The following NRG1 variants were observed in gnomAD, a reference collection of about 807,000 sequenced individuals.
NRG1 encodes the protein neuregulin 1, also known as pro-neuregulin-1, membrane-bound isoform.
A neutral mutation model predicts 63.8 loss-of-function variants in NRG1; 18 were observed. The observed-to-expected ratio is 0.28, with a 90% CI of 0.19 to 0.42. The LOEUF (loss-of-function observed/expected upper bound fraction) is 0.42. Among genes scored for constraint, NRG1 ranks in the 10% least tolerant of loss-of-function variants. The probability of loss-of-function intolerance (pLI) is 1.00; values close to 1 mark genes in which losing one functional copy is unlikely to be tolerated. For missense variants in NRG1, 762 were observed against 814.7 expected (o/e 0.94, Z 0.79); for synonymous variants, 302 against 301.3 (o/e 1.00, Z -0.02).
At chr8:31,761,386 G>A (rs1031496221) in intron 1 of NRG1, among the ~76,000 whole-genome samples, 7 of 151,810 alleles carry the variant, frequency 4.6e-5, no homozygotes, top group Non-Finnish European at 8.8e-5. Context: ...ACACCAACAT[G>A]GCACATGTAT....
intron 1 of NRG1, among the ~76,000 whole-genome samples, chr8:31,945,325 A>G (rs1802374781): frequency 6.6e-6 from 1 of 152,070 alleles, no homozygotes; most frequent in African/African-American, 2.4e-5. Flanking sequence ...GAGTTTATCG[A>G]CTGTCACTAG....
At chr8:32,213,801 A>G (rs1844931892) in intron 1 of NRG1, among the ~76,000 whole-genome samples, 1 of 152,130 alleles carries the variant, frequency 6.6e-6, no homozygotes, top group Non-Finnish European at 1.5e-5. Context: ...CAGCTTAACA[A>G]GAGAGAAGCA....
At chr8:31,796,058 A>C (rs118079400) in intron 1 of NRG1, among the ~76,000 whole-genome samples, 3 of 152,226 alleles carry the variant, frequency 2.0e-5, no homozygotes, top group African/African-American at 7.2e-5. Flanking sequence ...ACCAACAAGT[A>C]ATCTTTGCAA....
chr8:32,078,234 T>A (rs1826909526), intron 1 of NRG1, among the ~76,000 whole-genome samples: 1 of 152,170 alleles, frequency 6.6e-6, no homozygotes, highest in South Asian at 2.1e-4. Flanking sequence ...CTTACTCTGT[T>A]AGTTCATGCA....
chr8:32,150,696 A>G (rs1262639859), intron 1 of NRG1, among the ~76,000 whole-genome samples: 1 of 151,964 alleles, frequency 6.6e-6, no homozygotes, highest in Non-Finnish European at 1.5e-5. Context: ...ACAGACTAAG[A>G]CCCCTGGCCC....
chr8:32,574,308 TC>T (rs1440988256), intron 1 of NRG1, among the ~76,000 whole-genome samples: 1 of 152,132 alleles, frequency 6.6e-6, no homozygotes, highest in East Asian at 1.9e-4. Flanking sequence ...AGGCCTCATT[TC>T]CCTCTCTCAT....
At chr8:32,643,749 T>A (rs1852900397) in intron 5 of NRG1, among the ~76,000 whole-genome samples, 4 of 152,212 alleles carry the variant, frequency 2.6e-5, no homozygotes, top group Admixed American at 2.6e-4. Flanking sequence ...ATAGACAGTA[T>A]TTAAATGGCC....
At chr8:32,185,544 G>C (rs1841887416) in intron 1 of NRG1, among the ~76,000 whole-genome samples, 1 of 152,168 alleles carries the variant, frequency 6.6e-6, no homozygotes, top group Non-Finnish European at 1.5e-5. Flanking sequence ...CATTGCAAAA[G>C]AAGGAATAAT....
intron 2 of NRG1, among the ~76,000 whole-genome samples, chr8:32,602,216 T>A (rs1038891063): frequency 6.6e-6 from 1 of 152,178 alleles, no homozygotes; most frequent in Non-Finnish European, 1.5e-5. Flanking sequence ...ATTTAACTTT[T>A]TTTAATGCAA....
chr8:32,662,675 A>C (rs1803159617), intron 5 of NRG1, among the ~76,000 whole-genome samples: 1 of 152,186 alleles, frequency 6.6e-6, no homozygotes, highest in African/African-American at 2.4e-5. Flanking sequence ...TTGGATTATT[A>C]GATTCTGAAT....
chr8:32,738,318 A>G (rs1825589809), intron 6 of NRG1, among the ~76,000 whole-genome samples: 1 of 152,120 alleles, frequency 6.6e-6, no homozygotes, highest in Admixed American at 6.6e-5. Flanking sequence ...CACCCCATTA[A>G]TAACAAATAT....
chr8:31,819,782 TA>T (rs1823826644), intron 1 of NRG1, among the ~76,000 whole-genome samples: 1 of 152,204 alleles, frequency 6.6e-6, no homozygotes, highest in Admixed American at 6.5e-5. Flanking sequence ...AAGCCTCACA[TA>T]AGCTAACATT....
In NRG1 at chr8:31,773,248, G is replaced by C. The variant is rs539650379; in HGVS notation, c.37+133817G>C. Reference sequence around the variant, plus strand: ...ATGGCTCAGTGCTCACTGTCATCCTGCTGCTACATCATGTGCTTGATGCAC... The same window carrying C: ...ATGGCTCAGTGCTCACTGTCATCCTCCTGCTACATCATGTGCTTGATGCAC... On this transcript the variant is annotated intron_variant, in intron 1 of 10. Transcript: ENST00000519301. 1.4e-4 allele frequency among the ~76,000 whole-genome samples: 22 copies of C among 152,270 alleles called. No homozygotes were observed. In the South Asian group the frequency reaches 4.6e-3, roughly 32 times the overall value.
chr8:32,485,964 A>G (rs1413081514), intron 1 of NRG1, among the ~76,000 whole-genome samples: 3 of 151,730 alleles, frequency 2.0e-5, no homozygotes, highest in African/African-American at 7.3e-5. Flanking sequence ...TTTCACTCTT[A>G]TTGCCCAGGT....
chr8:32,627,351 GAATC>G (rs1849478590), intron 5 of NRG1, among the ~76,000 whole-genome samples: 1 of 152,190 alleles, frequency 6.6e-6, no homozygotes, highest in Admixed American at 6.5e-5. Context: ...ATGGTAAGTT[GAATC>G]ATTGTTGATG....
exon 1 of NRG1, chr8:32,548,561 G>A: frequency 1.6e-6 from 2 of 1,260,290 alleles, no homozygotes; most frequent in East Asian, 3.3e-5. Context: ...TCCGCGCCGC[G>A]CTCCCTGCAG....
chr8:32,582,086 ATTTTATTTTG>A (rs1388705816), intron 1 of NRG1, among the ~76,000 whole-genome samples: 1 of 151,028 alleles, frequency 6.6e-6, no homozygotes, highest in African/African-American at 2.4e-5. Context: ...ATTTTATTTT[ATTTTATTTTG>A]TTTTGTTTTA....
At chr8:32,632,797 A>C (rs965264791) in intron 5 of NRG1, among the ~76,000 whole-genome samples, 8 of 152,216 alleles carry the variant, frequency 5.3e-5, no homozygotes, top group Non-Finnish European at 1.0e-4. Flanking sequence ...TGAGCAGCTC[A>C]TTCATTTAGA....
chr8:32,686,349 G>T (rs928911816), intron 5 of NRG1, among the ~76,000 whole-genome samples: 2 of 152,278 alleles, frequency 1.3e-5, no homozygotes, highest in African/African-American at 2.4e-5. Flanking sequence ...TGGAAATAAA[G>T]TTTCCCTGTA....
Sources: gnomAD v4.1 joint callset for allele counts (sites outside exome capture counted in the v4.1 genomes callset) on GRCh38, gnomAD v4.1.1 for gene constraint, MANE v1.5 for transcripts, NCBI Gene and HGNC (gene_info 2026-07-23, HGNC 2026-07-21) for gene names.